Variants in SOX5 observed in about 807,000 individuals in gnomAD.
The protein encoded by SOX5 is SRY-box transcription factor 5, also known as transcription factor SOX-5.
A neutral mutation model predicts 92.0 loss-of-function variants in SOX5; 9 were observed. The observed-to-expected ratio is 0.10, with a 90% CI of 0.06 to 0.17. The LOEUF is 0.17. Ranked by LOEUF, SOX5 falls within the 10% of genes least tolerant of loss-of-function variation. The pLI, the probability that SOX5 is intolerant of heterozygous loss-of-function variation, is 1.00. For synonymous variants in SOX5, 344 were observed against 336.3 expected (o/e 1.02, Z -0.25); for missense variants, 642 against 944.5 (o/e 0.68, Z 4.20).
chr12:24,460,359 T>C (rs1199673532), intron 1 of SOX5, among the ~76,000 whole-genome samples: 1 of 152,214 alleles, frequency 6.6e-6, no homozygotes, highest in African/African-American at 2.4e-5. Context: ...TTGAATATGA[T>C]AGTGTCTGTC....
chr12:23,648,473 C>G (rs1358505310), intron 7 of SOX5, among the ~76,000 whole-genome samples: 3 of 152,028 alleles, frequency 2.0e-5, no homozygotes, highest in Admixed American at 6.6e-5. Flanking sequence ...AAAAATAGAG[C>G]CTTTAAAGAG....
At chr12:23,647,475 C>T (rs2081018230) in intron 7 of SOX5, among the ~76,000 whole-genome samples, 1 of 152,174 alleles carries the variant, frequency 6.6e-6, no homozygotes, top group Non-Finnish European at 1.5e-5. Flanking sequence ...TCAGCTTGTC[C>T]TTTGAAGCCA....
intron 3 of SOX5, among the ~76,000 whole-genome samples, chr12:23,832,225 C>T (rs2096338153): frequency 1.3e-5 from 2 of 151,542 alleles, no homozygotes; most frequent in Non-Finnish European, 1.5e-5. Context: ...CAATTTAATC[C>T]CCATTAATTA....
At chr12:23,895,742 G>T in intron 2 of SOX5, 51 bp downstream of exon 2, 1 of 1,287,890 alleles carries the variant, frequency 7.8e-7, no homozygotes. Context: ...TATTAGAGGA[G>T]TAGACTGGTC....
intron 1 of SOX5, among the ~76,000 whole-genome samples, chr12:24,501,413 C>T (rs1211606716): frequency 6.6e-6 from 1 of 151,986 alleles, no homozygotes; most frequent in Admixed American, 6.6e-5. Flanking sequence ...CTCTATCTTC[C>T]CATACTCCAA....
chr12:23,862,515 C>G (rs1043996803), intron 2 of SOX5, among the ~76,000 whole-genome samples: 3 of 152,162 alleles, frequency 2.0e-5, no homozygotes, highest in Non-Finnish European at 4.4e-5. Flanking sequence ...CTTTAAAAAA[C>G]AGTGTATCTT....
chr12:24,021,169 T>C (rs1036700241), intron 4 of SOX5, among the ~76,000 whole-genome samples: 2 of 152,066 alleles, frequency 1.3e-5, no homozygotes, highest in East Asian at 1.9e-4. Flanking sequence ...AGGAAGTGCA[T>C]GGAAGGTACA....
chr12:23,838,587 C>A (rs2096465491), intron 3 of SOX5, among the ~76,000 whole-genome samples: 1 of 151,952 alleles, frequency 6.6e-6, no homozygotes, highest in African/African-American at 2.4e-5. Context: ...AATACTACCT[C>A]TGTATTTTCT....
At chr12:23,546,453 T>C in intron 11 of SOX5, 29 bp from the exon 12 acceptor site, 1 of 1,233,116 alleles carries the variant, frequency 8.1e-7, no homozygotes, top group South Asian at 1.3e-5. Flanking sequence ...GAGAGATCAG[T>C]CTAGGAATTA....
intron 2 of SOX5, among the ~76,000 whole-genome samples, chr12:24,338,656 T>A (rs1018444222): frequency 6.6e-6 from 1 of 152,136 alleles, no homozygotes; most frequent in Non-Finnish European, 1.5e-5. Flanking sequence ...AATCCCCATG[T>A]GTTGTGTGAG....
intron 1 of SOX5, among the ~76,000 whole-genome samples, chr12:24,374,867 G>A (rs1054888163): frequency 3.3e-5 from 5 of 152,204 alleles, no homozygotes; most frequent in Non-Finnish European, 7.3e-5. Flanking sequence ...CTGCACTAGA[G>A]TGAGATTTGT....
rs539643954 is a variant in SOX5 at position 23,908,890 on chromosome 12, C to T, written c.39-12866G>A. Among the ~76,000 whole-genome samples, 5 of 152,136 alleles carry T rather than the reference C, an allele frequency of 3.3e-5. No individual in the cohort carries two copies. The East Asian group carries it at 5.8e-4, about 18-fold the overall frequency. On this transcript the variant is annotated intron_variant, in intron 1 of 14. Transcript: ENST00000451604. The stretch of plus-strand genomic sequence containing the variant: ...AGCTTTCCTATTTTTCTAGCTTGAC[C>T]TCTAAACTCATTTTATGTCTTAACT...
At chr12:24,352,090 G>A (rs1401306708) in intron 2 of SOX5, among the ~76,000 whole-genome samples, 3 of 152,184 alleles carry the variant, frequency 2.0e-5, no homozygotes, top group Admixed American at 2.0e-4. Context: ...CCTTCTTGGT[G>A]TTGTCCAATA....
rs2074792922 is a variant in SOX5, at chr12:23,603,445, A to ATAT, written c.1164+941_1164+942insATA. Among the ~76,000 whole-genome samples the ATAT allele has an allele frequency of 5.6e-5, 7 of 124,858 alleles. No individual in the cohort carries two copies. In the East Asian group the frequency reaches 1.6e-3, roughly 28 times the overall value. The allele number at this position is 124,858 out of a possible 152,430, so 81.9% of individuals were successfully genotyped here. A position where few individuals can be genotyped will look rare whatever the true frequency, so the allele number is the denominator to read the frequency against. On this transcript the variant is annotated intron_variant, in intron 9 of 14. Coordinates refer to ENST00000451604, the MANE Select transcript of SOX5 (RefSeq NM_006940.6). The stretch of plus-strand genomic sequence containing the variant: ...TTCAGCAAAATAAATATATATATAA[A>ATAT]ATATATATATATATATATATATTTT...
chr12:24,135,761 G>A (rs1015948222), intron 4 of SOX5, among the ~76,000 whole-genome samples: 1 of 152,114 alleles, frequency 6.6e-6, no homozygotes, highest in Non-Finnish European at 1.5e-5. Flanking sequence ...CGGAGAATGA[G>A]AGTTCATGAG....
At chr12:24,161,168 C>T (rs1353494249) in intron 4 of SOX5, among the ~76,000 whole-genome samples, 1 of 152,150 alleles carries the variant, frequency 6.6e-6, no homozygotes. Flanking sequence ...GACTTCTACA[C>T]TTCCAAAGGG....
At position 23,695,940 on chromosome 12, in the gene SOX5, C is replaced by CAAAAAAAAAAA. The variant is rs71059917; in HGVS notation, c.811-30387_811-30377dup. ...TGGGTGACAGAGCGAGACTCTGTCT[C>CAAAAAAAAAAA]AAAAAAAAAAAAAAAAAAAAAAAAA... is the stretch of plus-strand genomic sequence containing the variant. On this transcript the variant is annotated intron_variant, in intron 6 of 14. Coordinates refer to ENST00000451604, the MANE Select transcript of SOX5 (RefSeq NM_006940.6). Among the ~76,000 whole-genome samples, 16 of 11,906 alleles carry CAAAAAAAAAAA rather than the reference C, an allele frequency of 1.3e-3. 1 individual carries two copies. Among genetic ancestry groups the CAAAAAAAAAAA allele is most frequent in the African/African-American group, 3.8e-3 (14 of 3,670 alleles). The allele number at this position is 11,906 out of a possible 152,430, so 7.8% of individuals were successfully genotyped here. A position where few individuals can be genotyped will look rare whatever the true frequency, so the allele number is the denominator to read the frequency against.
chr12:24,286,447 A>C (rs1272834223), intron 2 of SOX5, among the ~76,000 whole-genome samples: 2 of 152,240 alleles, frequency 1.3e-5, no homozygotes, highest in African/African-American at 4.8e-5. Flanking sequence ...CCAGTCATAA[A>C]GTACAATCAG....
intron 13 of SOX5, among the ~76,000 whole-genome samples, chr12:23,540,833 A>G (rs140328151): frequency 6.6e-6 from 1 of 152,356 alleles, no homozygotes; most frequent in African/African-American, 2.4e-5. Context: ...GCCTGTTTTA[A>G]GCAGAATGAA....
Sources: gnomAD v4.1 joint callset for allele counts (sites outside exome capture counted in the v4.1 genomes callset) on GRCh38, gnomAD v4.1.1 for gene constraint, MANE v1.5 for transcripts, NCBI Gene and HGNC (gene_info 2026-07-23, HGNC 2026-07-21) for gene names.